Variants in PRRX2 observed in about 807,000 individuals in gnomAD.
PRRX2 encodes the protein paired related homeobox 2.
PRRX2 carries 11 observed loss-of-function variants against 18.0 expected under a neutral mutation model. The observed-to-expected ratio is 0.61, with a 90% CI of 0.39 to 1.01. The LOEUF (loss-of-function observed/expected upper bound fraction) is 1.01. Ranked by LOEUF, PRRX2 falls within the 50% of genes least tolerant of loss-of-function variation. PRRX2 has a pLI of 0.01. For synonymous variants in PRRX2, 177 were observed against 154.8 expected (o/e 1.14, Z -1.06); for missense variants, 387 against 351.0 (o/e 1.10, Z -0.82).
At chr9:129,689,683 C>T (rs1330540476) in intron 1 of PRRX2, among the ~76,000 whole-genome samples, 1 of 151,636 alleles carries the variant, frequency 6.6e-6, no homozygotes, top group Non-Finnish European at 1.5e-5. Flanking sequence ...ATGCTGATGG[C>T]CAGGCCTCAC....
chr9:129,714,720 C>T (rs561295278), intron 1 of PRRX2, among the ~76,000 whole-genome samples: 3 of 152,266 alleles, frequency 2.0e-5, no homozygotes, highest in Non-Finnish European at 2.9e-5. Flanking sequence ...TTTCTTCGGG[C>T]GCTTACTCGG....
intron 1 of PRRX2, among the ~76,000 whole-genome samples, chr9:129,687,815 A>T (rs1832314369): frequency 6.6e-6 from 1 of 152,260 alleles, no homozygotes; most frequent in Non-Finnish European, 1.5e-5. Flanking sequence ...GGCAGGCAGC[A>T]TCAGCTCTCT....
intron 1 of PRRX2, among the ~76,000 whole-genome samples, chr9:129,681,049 C>T (rs1349465057): frequency 2.0e-5 from 3 of 152,252 alleles, no homozygotes; most frequent in Non-Finnish European, 4.4e-5. Context: ...TGGAGCATTG[C>T]AGATGGGTAC....
intron 1 of PRRX2, among the ~76,000 whole-genome samples, chr9:129,706,654 G>A (rs1832561138): frequency 6.6e-6 from 1 of 152,126 alleles, no homozygotes; most frequent in Non-Finnish European, 1.5e-5. Context: ...CTTGAGCCTA[G>A]GAGTTCGAGG....
chr9:129,705,809 C>A (rs933592426), intron 1 of PRRX2, among the ~76,000 whole-genome samples: 1 of 152,032 alleles, frequency 6.6e-6, no homozygotes, highest in Non-Finnish European at 1.5e-5. Context: ...GGCACGGTGG[C>A]TCATGCCTGT....
At chr9:129,703,747 G>C (rs1184985279) in intron 1 of PRRX2, among the ~76,000 whole-genome samples, 1 of 152,146 alleles carries the variant, frequency 6.6e-6, no homozygotes, top group Non-Finnish European at 1.5e-5. Flanking sequence ...TGAGGGGCGC[G>C]GCAGAAACAC....
rs118137184 is a variant in PRRX2, at chr9:129,678,657, G to C, written c.259+12531G>C. ...AGCATGGCTGTTCTGGAGCAGAAAG[G>C]GTGGGAGAGAGCATGATGGGGGCCT... is the stretch of plus-strand genomic sequence containing the variant. On this transcript the variant is annotated intron_variant, in intron 1 of 3. Transcript: ENST00000372469. Among the ~76,000 whole-genome samples, 1,298 of 152,308 alleles carry C rather than the reference G, an allele frequency of 8.5e-3. 6 individuals carry two copies. The highest frequency in any genetic ancestry group is 0.014 in the Middle Eastern group (4 of 294).
chr9:129,676,622 G>A (rs538404283), intron 1 of PRRX2, among the ~76,000 whole-genome samples: 2 of 152,258 alleles, frequency 1.3e-5, no homozygotes, highest in Admixed American at 6.5e-5. Context: ...GCCCTCAGAC[G>A]GCTTCCAGTC....
chr9:129,699,228 G>T (rs1458286489), intron 1 of PRRX2, among the ~76,000 whole-genome samples: 2 of 152,230 alleles, frequency 1.3e-5, no homozygotes, highest in East Asian at 3.8e-4. Flanking sequence ...TTCGAGACCA[G>T]CCTGGCCAAC....
At position 129,720,898 on chromosome 9, in the gene PRRX2, C is replaced by G. The variant is rs574357283; in HGVS notation, c.626+124C>G. On this transcript the variant is annotated intron_variant, in intron 3 of 3. Transcript: ENST00000372469. ...AATGGTGTCCACGCGCCCCTGGGAT[C>G]TGGGGTACACCAAGTGATGTGTGGC... 8 of 1,117,816 alleles carry G rather than the reference C, an allele frequency of 7.2e-6. No individual in the cohort carries two copies. In the African/African-American group the frequency reaches 9.7e-5, roughly 14 times the overall value. 69.2% of individuals were successfully genotyped at this position (1,117,816 alleles called of 1,614,324 possible).
At position 129,720,728 on chromosome 9, in the gene PRRX2, G is replaced by T. The variant is rs1250052794; in HGVS notation, c.580G>T (p.Ala194Ser). 1.2e-6 allele frequency: 2 copies of T among 1,611,724 alleles called. No homozygotes were observed. The highest frequency in any genetic ancestry group is 1.7e-6 in the Non-Finnish European group (2 of 1,179,130). ...GCAGCCCGTGGCTCCCCGGCCCACC[G>T]CCCTGAGTCCAGATTATCTCTCCTG... Reference protein sequence around the residue: ...IEQPVAPRPTALSPDYLSWTA... With the variant: ...IEQPVAPRPTSLSPDYLSWTA... The change falls in exon 3 of 4, where the codon GCC (alanine) becomes TCC (serine). Residue 194 changes from alanine (A) to serine (S), a missense_variant. Coordinates refer to ENST00000372469, the MANE Select transcript of PRRX2 (RefSeq NM_016307.4).
intron 1 of PRRX2, among the ~76,000 whole-genome samples, chr9:129,674,868 G>A (rs1374490442): frequency 1.3e-5 from 2 of 152,154 alleles, no homozygotes; most frequent in Admixed American, 6.5e-5. Flanking sequence ...GTGGTCCCAG[G>A]AGTCACTGCG....
intron 1 of PRRX2, among the ~76,000 whole-genome samples, chr9:129,689,897 C>T (rs147268863): frequency 1.5e-3 from 225 of 151,130 alleles, no homozygotes; most frequent in Middle Eastern, 3.4e-3. Flanking sequence ...GTATTACAGG[C>T]GCGCGCCATC....
At chr9:129,690,056 CA>C (rs1832342875) in intron 1 of PRRX2, among the ~76,000 whole-genome samples, 1 of 151,946 alleles carries the variant, frequency 6.6e-6, no homozygotes, top group Admixed American at 6.6e-5. Context: ...TGGCCAATAG[CA>C]TCTTATTTTT....
chr9:129,696,548 C>G (rs978571787), intron 1 of PRRX2, among the ~76,000 whole-genome samples: 4 of 152,116 alleles, frequency 2.6e-5, no homozygotes, highest in African/African-American at 4.8e-5. Flanking sequence ...TGCACTCCAG[C>G]CTGCGCCACA....
At chr9:129,721,042 C>T (rs923459530) in intron 3 of PRRX2, among the ~76,000 whole-genome samples, 2 of 152,176 alleles carry the variant, frequency 1.3e-5, no homozygotes, top group African/African-American at 2.4e-5. Flanking sequence ...CATGCACATG[C>T]CTGCGTATGC....
At chr9:129,696,150 C>T (rs962488212) in intron 1 of PRRX2, among the ~76,000 whole-genome samples, 1 of 151,838 alleles carries the variant, frequency 6.6e-6, no homozygotes, top group Admixed American at 6.6e-5. Flanking sequence ...AAACCCACCT[C>T]CACTCACCAA....
chr9:129,710,103 T>C (rs1394820153), intron 1 of PRRX2, among the ~76,000 whole-genome samples: 2 of 152,144 alleles, frequency 1.3e-5, no homozygotes, highest in Non-Finnish European at 2.9e-5. Flanking sequence ...GGAGGGCTTC[T>C]TGGAGGAGGA....
chr9:129,721,737 G>A (rs188443861), intron 3 of PRRX2, among the ~76,000 whole-genome samples: 167 of 152,164 alleles, frequency 1.1e-3, no homozygotes, highest in African/African-American at 3.6e-3. Context: ...CCGTCACCAC[G>A]CCAAGCTAAT....
Sources: allele counts gnomAD v4.1 joint callset (sites outside exome capture counted in the v4.1 genomes callset), GRCh38; gene constraint gnomAD v4.1.1; transcripts MANE v1.5; gene names NCBI Gene and HGNC (gene_info 2026-07-23, HGNC 2026-07-21).